NLRC5: variants seen among roughly 807,000 people sequenced by gnomAD.
NLRC5 encodes the protein NLR family CARD domain containing 5.
Under a neutral mutation model 206.9 loss-of-function variants are expected in NLRC5, and 114 were observed. The observed-to-expected ratio is 0.55, with a 90% CI of 0.47 to 0.64. The LOEUF (loss-of-function observed/expected upper bound fraction) is 0.64. NLRC5 is among the 30% of genes least tolerant of loss of function. The pLI is 0.00. For synonymous variants in NLRC5, 952 were observed against 962.8 expected (o/e 0.99, Z 0.21); for missense variants, 2,008 against 2,305.5 (o/e 0.87, Z 2.64).
intron 15 of NLRC5, among the ~76,000 whole-genome samples, chr16:57,037,517 C>T (rs1422865292): frequency 6.6e-6 from 1 of 152,116 alleles, no homozygotes; most frequent in Admixed American, 6.6e-5. Flanking sequence ...AGACGCCTGG[C>T]AGGGTACAAC....
At chr16:57,055,805 T>C (rs1432273370) in intron 27 of NLRC5, among the ~76,000 whole-genome samples, 2 of 152,116 alleles carry the variant, frequency 1.3e-5, no homozygotes, top group Non-Finnish European at 2.9e-5. Context: ...AGATGGGGGC[T>C]AAAACGCAGG....
chr16:57,042,921 A>AAGGT (rs1204870782), intron 19 of NLRC5, among the ~76,000 whole-genome samples: 2 of 152,100 alleles, frequency 1.3e-5, no homozygotes, highest in African/African-American at 4.8e-5. Context: ...GGAAGGAAGG[A>AAGGT]AGGTCTAACC....
chr16:57,047,434 G>A, intron 22 of NLRC5, 111 bp from the exon 23 acceptor site: 1 of 927,332 alleles, frequency 1.1e-6, no homozygotes, highest in South Asian at 1.5e-5. Context: ...GAAGGGGCCT[G>A]TGGCCTCCCA....
chr16:57,026,937 T>G lies in NLRC5; in HGVS notation c.1994T>G (p.Ile665Ser). ...TNILEHREAP[I>S]HLDFDGCPLE... ...ATCCTAGAGCACAGGGAGGCCCCCA[T>G]CCACCTGGATTTTGATGGCTGTCCC... is the stretch of plus-strand genomic sequence containing the variant. Residue 665 changes from isoleucine to serine, a missense_variant, in exon 6 of 49, where the codon ATC (isoleucine) becomes AGC (serine). Ile to Ser is a moderately radical substitution (Grantham distance 142). Coordinates refer to ENST00000688547, the MANE Select transcript of NLRC5 (RefSeq NM_001384950.1). 6.2e-7 allele frequency: 1 copy of G among 1,614,098 alleles called. No individual in the cohort carries two copies. The highest frequency in any genetic ancestry group is 8.5e-7 in the Non-Finnish European group (1 of 1,180,000).
intron 1 of NLRC5, among the ~76,000 whole-genome samples, chr16:56,993,125 AT>A (rs1567492024): frequency 8.7e-6 from 1 of 115,520 alleles, no homozygotes; most frequent in Non-Finnish European, 1.8e-5. Flanking sequence ...ATATGTGTAT[AT>A]ATATATACAC....
chr16:57,046,784 T>C (rs2064036577), intron 22 of NLRC5, 143 bp downstream of exon 22: 2 of 694,040 alleles, frequency 2.9e-6, no homozygotes, highest in Non-Finnish European at 4.7e-6. Flanking sequence ...GAAAGAGGCG[T>C]GGGTGTGAGG....
chr16:57,033,189 G>A (rs1232639779), intron 11 of NLRC5, among the ~76,000 whole-genome samples: 2 of 152,130 alleles, frequency 1.3e-5, no homozygotes, highest in African/African-American at 4.8e-5. Context: ...TCCACAAATG[G>A]AGACCATCAC....
chr16:57,015,458 A>G (rs2059948200), intron 1 of NLRC5, among the ~76,000 whole-genome samples: 1 of 152,152 alleles, frequency 6.6e-6, no homozygotes, highest in South Asian at 2.1e-4. Flanking sequence ...AATGTTTTTT[A>G]AAATATCATT....
At chr16:57,055,127 G>A (rs1399500141) in intron 26 of NLRC5, 33 bp downstream of exon 26, 3 of 1,612,400 alleles carry the variant, frequency 1.9e-6, no homozygotes, top group Non-Finnish European at 2.5e-6. Flanking sequence ...TAGGCAGCTA[G>A]TTGATGTTGG....
In NLRC5 at chr16:57,077,291, C is replaced by G. The variant is rs1213883094; in HGVS notation, c.4836-5C>G. ...AAGGCTGATGAAGCTGTTTTCTCCCCCAAGCTTGAGCCACAACCAGATTGG... is the reference window on the plus strand; with the variant it reads ...AAGGCTGATGAAGCTGTTTTCTCCCGCAAGCTTGAGCCACAACCAGATTGG... On this transcript the variant is annotated splice_region_variant and splice_polypyrimidine_tract_variant and intron_variant, in intron 40 of 48. Coordinates refer to ENST00000688547, the MANE Select transcript of NLRC5 (RefSeq NM_001384950.1). The G allele has an allele frequency of 3.7e-6, 6 of 1,613,778 alleles. No individual in the cohort carries two copies. The highest frequency in any genetic ancestry group is 5.1e-6 in the Non-Finnish European group (6 of 1,179,836).
intron 1 of NLRC5, among the ~76,000 whole-genome samples, chr16:57,002,761 C>T (rs1237365898): frequency 6.6e-6 from 1 of 151,448 alleles, no homozygotes; most frequent in Non-Finnish European, 1.5e-5. Flanking sequence ...CCTGCCTCAG[C>T]CTCCCAAGTA....
At chr16:57,050,697 G>T (rs2064774747) in intron 23 of NLRC5, among the ~76,000 whole-genome samples, 1 of 152,168 alleles carries the variant, frequency 6.6e-6, no homozygotes, top group South Asian at 2.1e-4. Flanking sequence ...AATGCACTGG[G>T]TTCTGACGAA....
At chr16:57,039,449 G>A (rs1292361365) in intron 15 of NLRC5, among the ~76,000 whole-genome samples, 1 of 152,178 alleles carries the variant, frequency 6.6e-6, no homozygotes, top group East Asian at 1.9e-4. Flanking sequence ...GGCCGGGCAC[G>A]GTGGCTCACA....
At chr16:57,023,504 G>A (rs8052091) in intron 4 of NLRC5, among the ~76,000 whole-genome samples, 3,350 of 152,216 alleles carry the variant, frequency 0.022, 124 homozygotes, top group African/African-American at 0.077. Flanking sequence ...GAGTGTTTCT[G>A]GGGGCTGCTG....
intron 19 of NLRC5, among the ~76,000 whole-genome samples, chr16:57,042,401 G>A (rs564517663): frequency 2.0e-5 from 3 of 152,190 alleles, no homozygotes; most frequent in South Asian, 4.1e-4. Flanking sequence ...CTGGGGTGCC[G>A]GGAGGGGCTG....
At chr16:57,055,971 A>G (rs2065610436) in intron 27 of NLRC5, among the ~76,000 whole-genome samples, 1 of 152,176 alleles carries the variant, frequency 6.6e-6, no homozygotes, top group African/African-American at 2.4e-5. Context: ...CAGCCCCTGC[A>G]TGGGTGGAAT....
intron 20 of NLRC5, 177 bp from the exon 21 acceptor site, chr16:57,045,271 C>T (rs2063793926): frequency 1.7e-6 from 1 of 604,686 alleles, no homozygotes; most frequent in African/African-American, 1.8e-5. Flanking sequence ...TGAGAAATGT[C>T]GATGGTGTGC....
chr16:57,008,704 C>T (rs532012837), intron 1 of NLRC5, among the ~76,000 whole-genome samples: 137 of 150,172 alleles, frequency 9.1e-4, no homozygotes, highest in Non-Finnish European at 1.6e-3. Flanking sequence ...ATACATTTAT[C>T]GAAATTGGCC....
intron 20 of NLRC5, chr16:57,043,901 T>C (rs2063602605): frequency 2.4e-6 from 1 of 419,238 alleles, no homozygotes; most frequent in African/African-American, 2.4e-5. Context: ...TTTTAGGATT[T>C]TTTTTTTAAT....
Sources: gnomAD v4.1 joint callset for allele counts (sites outside exome capture counted in the v4.1 genomes callset) on GRCh38, gnomAD v4.1.1 for gene constraint, MANE v1.5 for transcripts, NCBI Gene and HGNC (gene_info 2026-07-23, HGNC 2026-07-21) for gene names.